The following CSMD1 variants were observed in gnomAD, a reference collection of about 807,000 sequenced individuals.
CSMD1 encodes the protein CUB and Sushi multiple domains 1, also known as CUB and sushi domain-containing protein 1.
CSMD1 carries 213 observed loss-of-function variants against 417.5 expected under a neutral mutation model. The observed-to-expected ratio is 0.51, with a 90% CI of 0.46 to 0.57. The LOEUF is 0.57. Among genes scored for constraint, CSMD1 ranks in the 20% least tolerant of loss-of-function variants. CSMD1 has a pLI of 0.00. For synonymous variants in CSMD1, 2,862 were observed against 1,736.8 expected, an observed-to-expected ratio of 1.65 and a Z score of -16.11; for missense variants, 6,923 against 4,529.7, an observed-to-expected ratio of 1.53 and a Z score of -15.17.
At position 4,214,109 on chromosome 8, in the gene CSMD1, C is replaced by T. The variant is rs142915382; in HGVS notation, c.416-182010G>A. 3.0e-3 allele frequency among the ~76,000 whole-genome samples: 459 copies of T among 151,902 alleles called. 3 individuals are homozygous for T. Among genetic ancestry groups the T allele is most frequent in the African/African-American group, 0.01 (428 of 41,204 alleles). On this transcript the variant is annotated intron_variant, in intron 3 of 69. Transcript: ENST00000635120. ...AGCATCTTACTCCCTCAATTTCATT[C>T]CAGTTTTTTTGTTTGTTTTGTTTTG...
rs1585269632 is a variant in CSMD1 at position 3,069,098 on chromosome 8, T to C, written c.7475-16451A>G. Reference sequence around the variant, plus strand: ...TTCCAAGATACAATGGAGATATAGGTATTGGGCAAACTTTCCCATTCCAAT... The same window carrying C: ...TTCCAAGATACAATGGAGATATAGGCATTGGGCAAACTTTCCCATTCCAAT... On this transcript the variant is annotated intron_variant, in intron 49 of 69. Transcript: ENST00000635120. Among the ~76,000 whole-genome samples, 5 of 151,888 alleles carry C rather than the reference T, an allele frequency of 3.3e-5. No homozygotes were observed. In the South Asian group the frequency reaches 1.0e-3, roughly 32 times the overall value.
chr8:4,305,273 G>A (rs767023746), intron 3 of CSMD1, among the ~76,000 whole-genome samples: 7 of 152,166 alleles, frequency 4.6e-5, no homozygotes, highest in Admixed American at 1.3e-4. Context: ...CAATGCCTGG[G>A]AACTGAGCTG....
intron 5 of CSMD1, among the ~76,000 whole-genome samples, chr8:3,798,783 T>A (rs960305530): frequency 1.3e-5 from 2 of 152,104 alleles, no homozygotes; most frequent in African/African-American, 2.4e-5. Context: ...TGTTTGTATT[T>A]AATTATGGGA....
At chr8:4,981,475 A>G (rs1439178044) in intron 1 of CSMD1, among the ~76,000 whole-genome samples, 1 of 152,252 alleles carries the variant, frequency 6.6e-6, no homozygotes, top group Non-Finnish European at 1.5e-5. Flanking sequence ...GATATCATCA[A>G]TTAGAGTTTC....
At chr8:4,018,208 T>C (rs1796615499) in intron 4 of CSMD1, among the ~76,000 whole-genome samples, 2 of 152,156 alleles carry the variant, frequency 1.3e-5, no homozygotes, top group Non-Finnish European at 2.9e-5. Context: ...AAAAATATTT[T>C]CCAGAATTAT....
rs2975365 is a variant in CSMD1 at position 3,863,041 on chromosome 8, C to T, written c.819-108999G>A. On this transcript the variant is annotated intron_variant, in intron 5 of 69. Coordinates refer to ENST00000635120, the MANE Select transcript of CSMD1 (RefSeq NM_033225.6). ...ATTTGCTTTGTCTCTGCCTCAAAGA[C>T]GGCACCTCCCTGCAGCATCGTCAAA... 7.4e-3 allele frequency among the ~76,000 whole-genome samples: 1,131 copies of T among 152,260 alleles called. 14 individuals are homozygous for T. The highest frequency in any genetic ancestry group is 0.021 in the African/African-American group (855 of 41,540).
At chr8:3,834,538 T>C (rs1488949797) in intron 5 of CSMD1, among the ~76,000 whole-genome samples, 2 of 152,204 alleles carry the variant, frequency 1.3e-5, no homozygotes, top group Non-Finnish European at 2.9e-5. Flanking sequence ...TGTGCGTCTC[T>C]TCCAAAACTG....
intron 7 of CSMD1, among the ~76,000 whole-genome samples, chr8:3,682,106 A>G (rs1169039198): frequency 2.0e-5 from 3 of 152,206 alleles, no homozygotes; most frequent in Non-Finnish European, 4.4e-5. Context: ...AAACCTAGGC[A>G]ATACTATTCA....
chr8:3,803,273 A>G (rs1227084417), intron 5 of CSMD1, among the ~76,000 whole-genome samples: 1 of 152,192 alleles, frequency 6.6e-6, no homozygotes, highest in Non-Finnish European at 1.5e-5. Context: ...ACGGGTTCTC[A>G]TTGCATAAAG....
At chr8:3,638,646 G>C (rs1485119481) in intron 7 of CSMD1, among the ~76,000 whole-genome samples, 1 of 152,232 alleles carries the variant, frequency 6.6e-6, no homozygotes, top group East Asian at 1.9e-4. Context: ...GGTGAAACAT[G>C]GGCAAGATGT....
chr8:4,443,426 C>A (rs1401566798), intron 2 of CSMD1, among the ~76,000 whole-genome samples: 2 of 152,166 alleles, frequency 1.3e-5, no homozygotes, highest in Non-Finnish European at 2.9e-5. Context: ...AATCTTTATT[C>A]ATTATTCAAC....
At chr8:3,608,070 G>A (rs1483898820) in intron 8 of CSMD1, among the ~76,000 whole-genome samples, 1 of 152,046 alleles carries the variant, frequency 6.6e-6, no homozygotes, top group African/African-American at 2.4e-5. Context: ...TACTCAGGAG[G>A]CTGAGGCCGG....
chr8:4,498,777 T>C (rs1359505450), intron 2 of CSMD1, among the ~76,000 whole-genome samples: 7 of 152,162 alleles, frequency 4.6e-5, no homozygotes, highest in Non-Finnish European at 8.8e-5. Flanking sequence ...GAAGAGGATG[T>C]TGGCCAAGCT....
chr8:3,496,589 A>C (rs975398436), intron 10 of CSMD1, among the ~76,000 whole-genome samples: 27 of 152,108 alleles, frequency 1.8e-4, no homozygotes, highest in Admixed American at 1.8e-3. Context: ...GCACTTTGGG[A>C]GGCCGAGGAG....
intron 7 of CSMD1, among the ~76,000 whole-genome samples, chr8:3,620,751 G>C (rs1443461702): frequency 6.6e-6 from 1 of 151,914 alleles, no homozygotes; most frequent in African/African-American, 2.4e-5. Context: ...ACAAAGGAGG[G>C]ACAAAAATGC....
chr8:4,259,282 C>T (rs1803707806), intron 3 of CSMD1, among the ~76,000 whole-genome samples: 1 of 152,098 alleles, frequency 6.6e-6, no homozygotes, highest in Non-Finnish European at 1.5e-5. Flanking sequence ...CCCTGGCTGG[C>T]ATTTGAAATG....
intron 5 of CSMD1, among the ~76,000 whole-genome samples, chr8:3,781,708 G>A (rs373792861): frequency 5.9e-5 from 9 of 152,184 alleles, no homozygotes; most frequent in African/African-American, 2.2e-4. Flanking sequence ...GAGGTTCTAG[G>A]GTGTCCCCAT....
intron 7 of CSMD1, among the ~76,000 whole-genome samples, chr8:3,704,217 G>C (rs1051079105): frequency 6.6e-6 from 1 of 152,174 alleles, no homozygotes; most frequent in Non-Finnish European, 1.5e-5. Flanking sequence ...CACAGCTACA[G>C]GCAAAAATAG....
intron 52 of CSMD1, among the ~76,000 whole-genome samples, chr8:3,007,970 A>T (rs1808081023): frequency 6.6e-6 from 1 of 152,168 alleles, no homozygotes; most frequent in South Asian, 2.1e-4. Flanking sequence ...ACTGTTTGTA[A>T]TTATAAACTG....
Sources: allele counts gnomAD v4.1 joint callset (sites outside exome capture counted in the v4.1 genomes callset), GRCh38; gene constraint gnomAD v4.1.1; transcripts MANE v1.5; gene names NCBI Gene and HGNC (gene_info 2026-07-23, HGNC 2026-07-21).